CDC42BPB: variants seen among roughly 807,000 people sequenced by gnomAD.
CDC42BPB encodes the protein serine/threonine-protein kinase MRCK beta.
In CDC42BPB, 37 loss-of-function variants were observed where a neutral mutation model predicts 214.9. The observed-to-expected ratio is 0.17, with a 90% CI of 0.13 to 0.23. CDC42BPB has a LOEUF of 0.23. Ranked by LOEUF, CDC42BPB falls within the 10% of genes least tolerant of loss-of-function variation. CDC42BPB has a pLI of 1.00. For synonymous variants in CDC42BPB, 931 were observed against 884.0 expected (o/e 1.05, Z -0.94); for missense variants, 1,694 against 2,227.0 (o/e 0.76, Z 4.82).
chr14:102,947,851 C>A, intron 26 of CDC42BPB, 49 bp from the exon 27 acceptor site: 1 of 1,609,636 alleles, frequency 6.2e-7, no homozygotes, highest in Non-Finnish European at 8.5e-7. Context: ...CGCACAGGAC[C>A]CAAGGCCCTC....
chr14:102,937,455 G>T (rs1891690696), intron 36 of CDC42BPB, among the ~76,000 whole-genome samples: 1 of 152,244 alleles, frequency 6.6e-6, no homozygotes, highest in Non-Finnish European at 1.5e-5. Context: ...TCAGTGCTGG[G>T]GCTGAGATGT....
At chr14:102,998,917 G>A (rs1230910282) in intron 5 of CDC42BPB, among the ~76,000 whole-genome samples, 1 of 150,246 alleles carries the variant, frequency 6.7e-6, no homozygotes, top group Admixed American at 6.6e-5. Flanking sequence ...TTAGGGAGGG[G>A]GTCTTGGGCG....
chr14:103,032,464 G>C (rs1461068599), intron 1 of CDC42BPB, among the ~76,000 whole-genome samples: 2 of 135,716 alleles, frequency 1.5e-5, no homozygotes, highest in African/African-American at 5.4e-5. Flanking sequence ...GTCCAGCTAG[G>C]AAAACACTAG....
At position 102,944,466 on chromosome 14, in the gene CDC42BPB, C is replaced by T. The variant is rs778749230; in HGVS notation, c.3833G>A (p.Cys1278Tyr). The change falls in exon 30 of 37, where the codon TGT (cysteine) becomes TAT (tyrosine). Residue 1278 changes from cysteine to tyrosine, a missense_variant. This residue lies in a region of CDC42BPB where 567 missense variants were observed against 790.3 expected (regional missense o/e 0.72). Transcript: ENST00000361246. The surrounding 1 kb of genome is among the most constrained non-coding windows in gnomAD (Gnocchi z 6.6). ...TRDVIVRAAD[C>Y]KKVHQIELAP... Reference sequence around the variant, plus strand: ...AAGCTCGATCTGGTGTACCTTCTTACAGTCAGCGGCACGGACGATCACTGT... The same window carrying T: ...AAGCTCGATCTGGTGTACCTTCTTATAGTCAGCGGCACGGACGATCACTGT... 7 of 1,611,896 alleles carry T rather than the reference C, an allele frequency of 4.3e-6. No homozygotes were observed. The Admixed American group carries it at 6.7e-5, about 15-fold the overall frequency.
chr14:102,958,670 T>C (rs552289795), intron 21 of CDC42BPB, among the ~76,000 whole-genome samples: 1 of 152,142 alleles, frequency 6.6e-6, no homozygotes, highest in East Asian at 2.0e-4. Flanking sequence ...CCCAAGTAGA[T>C]GACCAGCGGC....
At position 102,939,632 on chromosome 14, in the gene CDC42BPB, T is replaced by A; in HGVS notation, c.4805A>T (p.Gln1602Leu). ...CACCAGAGGCAGGTCCATGAGCACC[T>A]GCATGCCGTCGCCTGGGCCCATGTG... ...VAHMGPGDGM[Q>L]VLMDLPLSAV... The change falls in exon 34 of 37, where the codon CAG (glutamine) becomes CTG (leucine). Residue 1602 changes from glutamine to leucine, a missense_variant. Gln to Leu is a moderately radical substitution (Grantham distance 113). Around this residue, in one of 7 missense-constraint regions of CDC42BPB, gnomAD observed 567 missense variants for 790.3 expected, o/e 0.72. Coordinates refer to ENST00000361246, the MANE Select transcript of CDC42BPB (RefSeq NM_006035.4). 1 of 1,613,980 alleles carries A rather than the reference T, an allele frequency of 6.2e-7. No homozygotes were observed. Among genetic ancestry groups the A allele is most frequent in the Non-Finnish European group, 8.5e-7 (1 of 1,179,896 alleles).
chr14:102,941,000 G>A (rs887637586), intron 30 of CDC42BPB: 7 of 550,900 alleles, frequency 1.3e-5, no homozygotes, highest in South Asian at 7.8e-5. Context: ...AAGGTGCCAC[G>A]GATGTGAAAC....
At chr14:102,988,794 A>T (rs933339035) in intron 5 of CDC42BPB, among the ~76,000 whole-genome samples, 2 of 151,818 alleles carry the variant, frequency 1.3e-5, no homozygotes, top group Non-Finnish European at 2.9e-5. Flanking sequence ...TGGACCCAAG[A>T]TCCACATGGA....
chr14:102,958,569 G>A (rs979943979), intron 21 of CDC42BPB, among the ~76,000 whole-genome samples: 13 of 152,094 alleles, frequency 8.5e-5, no homozygotes, highest in African/African-American at 2.7e-4. Context: ...CAAAGAGGAG[G>A]AAAGGCTGTC....
intron 26 of CDC42BPB, among the ~76,000 whole-genome samples, chr14:102,949,193 G>A (rs189506439): frequency 2.0e-4 from 30 of 152,336 alleles, no homozygotes; most frequent in Non-Finnish European, 3.4e-4. Context: ...CCACATGCCA[G>A]TAACATGACC....
intron 1 of CDC42BPB, among the ~76,000 whole-genome samples, chr14:103,051,454 C>G (rs1468393931): frequency 7.0e-6 from 1 of 143,246 alleles, no homozygotes; most frequent in East Asian, 2.1e-4. Context: ...AGCTTTGTCT[C>G]TTTTCAGAGA....
chr14:102,975,660 G>GTT (rs1566873775), intron 11 of CDC42BPB, 24 bp downstream of exon 11: 13 of 1,610,922 alleles, frequency 8.1e-6, no homozygotes, highest in Non-Finnish European at 1.0e-5. Context: ...TAGAGACTAA[G>GTT]AAGTCACACT....
At position 102,997,941 on chromosome 14, in the gene CDC42BPB, T is replaced by TCA. The variant is rs34979396; in HGVS notation, c.596+1622_596+1623dup. On this transcript the variant is annotated intron_variant, in intron 5 of 36. Transcript: ENST00000361246. ...GGGCGGATCACTTGAGGTCAAGAGT[T>TCA]CAAGACCAGCCTGGCCAACATGGCG... is the stretch of plus-strand genomic sequence containing the variant. 5.6e-3 allele frequency among the ~76,000 whole-genome samples: 859 copies of TCA among 152,230 alleles called. 8 individuals are homozygous for TCA. Among genetic ancestry groups the TCA allele is most frequent in the Non-Finnish European group, 0.01 (701 of 68,020 alleles).
chr14:103,024,979 C>T (rs2139684152), intron 1 of CDC42BPB, among the ~76,000 whole-genome samples: 1 of 152,264 alleles, frequency 6.6e-6, no homozygotes, highest in East Asian at 1.9e-4. Context: ...ATTAACTCCA[C>T]TCATTTTTCT....
At chr14:102,934,096 T>C in intron 36 of CDC42BPB, 1 of 1,147,246 alleles carries the variant, frequency 8.7e-7, no homozygotes, top group Non-Finnish European at 1.1e-6. Context: ...AGCAACTCTG[T>C]AGTGAAGAAA....
Position 102,944,186 on chromosome 14 carries a change from C to T in CDC42BPB, c.4113G>A (p.Val1371=), listed in dbSNP as rs1892037721. The change falls in exon 30 of 37, where the codon GTG becomes GTA. Residue 1371 remains valine (V), a synonymous_variant. Transcript: ENST00000361246. This position sits in a 1 kb window ranked among gnomAD's most constrained non-coding sequence, Gnocchi z 6.6. ...CCAGGCACTGCACGCTGCCGGGAGC[C>T]ACAATCTCATTGAACTTTCTGTGGA... ...KPFHRKFNEI[V]APGSVQCLAV... The T allele has an allele frequency of 6.2e-7, 1 of 1,613,366 alleles. No homozygotes were observed. The highest frequency in any genetic ancestry group is 8.5e-7 in the Non-Finnish European group (1 of 1,180,034).
At chr14:103,003,023 G>A (rs1180535701) in intron 4 of CDC42BPB, among the ~76,000 whole-genome samples, 1 of 152,128 alleles carries the variant, frequency 6.6e-6, no homozygotes, top group Non-Finnish European at 1.5e-5. Context: ...CACAACCCAG[G>A]AGCTTCAGGT....
chr14:102,959,548 C>A, intron 21 of CDC42BPB, 83 bp downstream of exon 21: 1 of 919,080 alleles, frequency 1.1e-6, no homozygotes, highest in East Asian at 2.5e-5. Flanking sequence ...GTTTGTGGCC[C>A]CATGAGTGGT....
At chr14:102,980,615 T>C (rs1893954416) in intron 8 of CDC42BPB, among the ~76,000 whole-genome samples, 158 bp downstream of exon 8, 1 of 152,172 alleles carries the variant, frequency 6.6e-6, no homozygotes, top group South Asian at 2.1e-4. Context: ...TAAAGGAATA[T>C]TAAGGACCCA....
Sources: allele counts gnomAD v4.1 joint callset (sites outside exome capture counted in the v4.1 genomes callset), GRCh38; gene constraint gnomAD v4.1.1; regional missense constraint gnomAD v4.1.1; non-coding constraint Gnocchi (gnomAD v3.1); transcripts MANE v1.5; gene names NCBI Gene and HGNC (gene_info 2026-07-23, HGNC 2026-07-21).